CDH12: variants seen among roughly 807,000 people sequenced by gnomAD.
CDH12 encodes cadherin-12.
In CDH12, 41 loss-of-function variants were observed where a neutral mutation model predicts 74.1. That is an observed-to-expected ratio of 0.55 (90% CI 0.43 to 0.72). The LOEUF (loss-of-function observed/expected upper bound fraction) is 0.72, where lower values mean the gene tolerates loss of function less well. Ranked by LOEUF, CDH12 falls within the 30% of genes least tolerant of loss-of-function variation. The pLI, the probability that CDH12 is intolerant of heterozygous loss-of-function variation, is 0.00. For missense variants in CDH12, 945 were observed against 977.2 expected, an observed-to-expected ratio of 0.97 and a Z score of 0.44; for synonymous variants, 399 against 355.0, an observed-to-expected ratio of 1.12 and a Z score of -1.39.
intron 2 of CDH12, among the ~76,000 whole-genome samples, chr5:22,482,363 C>T (rs2662487): frequency 0.94 from 143,090 of 152,160 alleles, 67,376 homozygotes; most frequent in Admixed American, 0.97. Flanking sequence ...CATTTGCTCT[C>T]TTGACTCTAC....
In CDH12 at chr5:22,845,957, G is replaced by A. The variant is rs1006167760; in HGVS notation, c.-523+7101C>T. On this transcript the variant is annotated intron_variant, in intron 1 of 14. Coordinates refer to ENST00000382254, the MANE Select transcript of CDH12 (RefSeq NM_004061.5). ...GATGTGAGACAATAGTGTCTGGAGC[G>A]AAGGTGACTGTGGTATAGGAAGTGA... Among the ~76,000 whole-genome samples, 11 of 152,102 alleles carry A rather than the reference G, an allele frequency of 7.2e-5. No individual in the cohort carries two copies. The East Asian group carries it at 1.5e-3, about 21-fold the overall frequency.
At chr5:22,479,844 A>C (rs1746314570) in intron 2 of CDH12, among the ~76,000 whole-genome samples, 1 of 152,126 alleles carries the variant, frequency 6.6e-6, no homozygotes, top group African/African-American at 2.4e-5. Context: ...CCTGTATGTA[A>C]TTAAAAGAGA....
intron 5 of CDH12, among the ~76,000 whole-genome samples, chr5:22,073,871 T>C (rs1742121805): frequency 6.6e-6 from 1 of 152,072 alleles, no homozygotes. Flanking sequence ...GAAAACCAAT[T>C]GGTCCCTAAA....
At chr5:22,517,065 T>A (rs1187994020) in intron 1 of CDH12, among the ~76,000 whole-genome samples, 1 of 151,984 alleles carries the variant, frequency 6.6e-6, no homozygotes, top group Non-Finnish European at 1.5e-5. Flanking sequence ...ATAGTAAGGT[T>A]ATATATCAGT....
intron 6 of CDH12, among the ~76,000 whole-genome samples, chr5:21,953,157 C>A (rs1030535500): frequency 6.6e-6 from 1 of 152,032 alleles, no homozygotes; most frequent in Non-Finnish European, 1.5e-5. Flanking sequence ...GAGGCTTCAT[C>A]TACTTAATAA....
At chr5:22,352,885 T>A (rs1740413404) in intron 3 of CDH12, among the ~76,000 whole-genome samples, 1 of 152,186 alleles carries the variant, frequency 6.6e-6, no homozygotes, top group South Asian at 2.1e-4. Flanking sequence ...ATCAAAATAC[T>A]AAGACTAGAT....
chr5:22,042,545 C>T (rs755690351), intron 5 of CDH12, among the ~76,000 whole-genome samples: 1 of 151,892 alleles, frequency 6.6e-6, no homozygotes, highest in African/African-American at 2.4e-5. Context: ...AAACCTAGAA[C>T]AATTATATAC....
At chr5:22,645,056 A>G (rs781573958) in intron 1 of CDH12, among the ~76,000 whole-genome samples, 2 of 152,104 alleles carry the variant, frequency 1.3e-5, no homozygotes, top group African/African-American at 2.4e-5. Context: ...TATGCTTGCT[A>G]AGTCAGCATT....
chr5:21,940,257 T>A (rs1327662378), intron 6 of CDH12, among the ~76,000 whole-genome samples: 1 of 151,972 alleles, frequency 6.6e-6, no homozygotes, highest in African/African-American at 2.4e-5. Flanking sequence ...GAAATAAATA[T>A]GATGATATGA....
At position 22,648,702 on chromosome 5, in the gene CDH12, T is replaced by C. The variant is rs188917812; in HGVS notation, c.-522-143338A>G. Among the ~76,000 whole-genome samples the C allele has an allele frequency of 1.5e-3, 233 of 152,024 alleles. 1 individual carries two copies. Among genetic ancestry groups the C allele is most frequent in the African/African-American group, 5.2e-3 (214 of 41,528 alleles). On this transcript the variant is annotated intron_variant, in intron 1 of 14. Transcript: ENST00000382254. ...ATTATATTCACAGGCAGTTTATAATTTGGAGTTGTTTCTTTAGGACCTGAT... is the reference window on the plus strand; with the variant it reads ...ATTATATTCACAGGCAGTTTATAATCTGGAGTTGTTTCTTTAGGACCTGAT...
At chr5:22,604,275 T>C (rs948682371) in intron 1 of CDH12, among the ~76,000 whole-genome samples, 9 of 152,268 alleles carry the variant, frequency 5.9e-5, no homozygotes, top group Non-Finnish European at 1.0e-4. Flanking sequence ...ATTTATTGGG[T>C]TCTCCCATGC....
chr5:22,599,197 C>T (rs1428574949), intron 1 of CDH12, among the ~76,000 whole-genome samples: 1 of 152,150 alleles, frequency 6.6e-6, no homozygotes, highest in Non-Finnish European at 1.5e-5. Flanking sequence ...GTTCTTCAAT[C>T]CTGTCCCCTG....
intron 3 of CDH12, among the ~76,000 whole-genome samples, chr5:22,377,985 T>C (rs148531428): frequency 2.0e-4 from 30 of 152,322 alleles, no homozygotes; most frequent in African/African-American, 7.2e-4. Flanking sequence ...AATGGAGAAA[T>C]ATTGTTTTCA....
intron 4 of CDH12, among the ~76,000 whole-genome samples, chr5:22,117,746 A>G (rs896624173): frequency 2.0e-5 from 3 of 150,974 alleles, no homozygotes; most frequent in African/African-American, 7.3e-5. Context: ...ATGGGGTTAC[A>G]TCATTGCATG....
chr5:22,542,450 T>C (rs1351889855), intron 1 of CDH12, among the ~76,000 whole-genome samples: 1 of 152,192 alleles, frequency 6.6e-6, no homozygotes, highest in Non-Finnish European at 1.5e-5. Context: ...TAGTGCACTG[T>C]AAACCAATTT....
chr5:22,774,743 G>A (rs191641361), intron 1 of CDH12, among the ~76,000 whole-genome samples: 55 of 152,118 alleles, frequency 3.6e-4, no homozygotes, highest in Middle Eastern at 3.4e-3. Context: ...AAATTAACCA[G>A]TTTTGGGTAT....
chr5:22,416,118 A>G (rs1472405554), intron 2 of CDH12, among the ~76,000 whole-genome samples: 8 of 104,808 alleles, frequency 7.6e-5, no homozygotes, highest in Admixed American at 1.7e-4. Context: ...TCTGTGGCCC[A>G]GGCGGGAGTG....
chr5:22,138,845 A>ATATATATATATATATATATAT (rs1746612743), intron 4 of CDH12, among the ~76,000 whole-genome samples: 9 of 76,576 alleles, frequency 1.2e-4, no homozygotes, highest in Admixed American at 1.7e-4. Flanking sequence ...ATATATACGT[A>ATATATATATATATATATATAT]ATATATATAT....
chr5:22,461,955 A>C (rs1030039068), intron 2 of CDH12, among the ~76,000 whole-genome samples: 1 of 152,136 alleles, frequency 6.6e-6, no homozygotes, highest in Non-Finnish European at 1.5e-5. Context: ...AACCTTACCT[A>C]ATTGTACAAA....
Sources: gnomAD v4.1 joint callset for allele counts (sites outside exome capture counted in the v4.1 genomes callset) on GRCh38, gnomAD v4.1.1 for gene constraint, MANE v1.5 for transcripts, NCBI Gene and HGNC (gene_info 2026-07-23, HGNC 2026-07-21) for gene names.